Variants in TLN1 observed in about 807,000 individuals in gnomAD.
TLN1 encodes talin 1, also known as talin-1.
A neutral mutation model predicts 292.3 loss-of-function variants in TLN1; 56 were observed. The observed-to-expected ratio is 0.19, with a 90% CI of 0.15 to 0.24. TLN1 has a LOEUF of 0.24. Ranked by LOEUF, TLN1 falls within the 10% of genes least tolerant of loss-of-function variation. The pLI is 1.00. For missense variants in TLN1, 2,433 were observed against 3,248.2 expected, an observed-to-expected ratio of 0.75 and a Z score of 6.10; for synonymous variants, 1,119 against 1,253.7, an observed-to-expected ratio of 0.89 and a Z score of 2.27.
chr9:35,720,636 T>TC (rs986820249), intron 11 of TLN1, 127 bp from the exon 12 acceptor site: 1 of 1,143,502 alleles, frequency 8.7e-7, no homozygotes, highest in African/African-American at 1.6e-5. Context: ...TTTCTTTTTT[T>TC]TTTTTTTTTG....
intron 8 of TLN1, among the ~76,000 whole-genome samples, chr9:35,722,564 T>A (rs1258934598): frequency 6.6e-6 from 1 of 152,212 alleles, no homozygotes; most frequent in East Asian, 1.9e-4. Flanking sequence ...AATTTCAGAT[T>A]ATGCTACCTC....
chr9:35,719,534 C>T lies in TLN1; in HGVS notation c.1672G>A (p.Val558Met). 6.2e-7 allele frequency: 1 copy of T among 1,614,056 alleles called. No individual in the cohort carries two copies. Among genetic ancestry groups the T allele is most frequent in the Non-Finnish European group, 8.5e-7 (1 of 1,179,936 alleles). The change falls in exon 15 of 57, where the codon GTG becomes ATG. Residue 558 changes from valine to methionine, a missense_variant. By Grantham distance (21) the Val-to-Met change is conservative. Transcript: ENST00000314888. The surrounding 1 kb of genome is among the most constrained non-coding windows in gnomAD (Gnocchi z 4.6). ...DAITAGTASV[V>M]NLTAGDPAET... ...TCCGGCCTACCTGCTGTCAGGTTCA[C>T]CACAGACGCAGTACCAGCTGTGATG...
intron 3 of TLN1, 48 bp from the exon 4 acceptor site, chr9:35,725,007 A>G (rs751697851): frequency 3.7e-6 from 6 of 1,611,998 alleles, no homozygotes. Flanking sequence ...AGCTAGGGGT[A>G]TTATTTCCTC....
In TLN1 at chr9:35,706,325, A is replaced by G; in HGVS notation, c.5232T>C (p.Ala1744=). Reference sequence around the variant, plus strand: ...GGGTCTTGGAGGCAGCACCCACTGCAGCCAGGGTGAGCGGCTCAAAGTACT... The same window carrying G: ...GGGTCTTGGAGGCAGCACCCACTGCGGCCAGGGTGAGCGGCTCAAAGTACT... ...MAQYFEPLTL[A]AVGAASKTLS... The change falls in exon 40 of 57, where the codon GCT becomes GCC. Residue 1744 remains alanine, a synonymous_variant. Coordinates refer to ENST00000314888, the MANE Select transcript of TLN1 (RefSeq NM_006289.4). This position sits in a 1 kb window ranked among gnomAD's most constrained non-coding sequence, Gnocchi z 4.2. 1.2e-6 allele frequency: 2 copies of G among 1,612,548 alleles called. No homozygotes were observed. The highest frequency in any genetic ancestry group is 1.7e-6 in the Non-Finnish European group (2 of 1,179,100).
In TLN1 at chr9:35,699,892, G is replaced by A; in HGVS notation, c.6768+82C>T. On this transcript the variant is annotated intron_variant, in intron 50 of 56. Transcript: ENST00000314888. The surrounding 1 kb of genome is among the most constrained non-coding windows in gnomAD (Gnocchi z 4.0). The stretch of plus-strand genomic sequence containing the variant: ...GTAGGGAGGAGATCTGAGCAAAACA[G>A]ACAGCAGGGTGCGAGGCCTGCAGGA... 7.1e-7 allele frequency: 1 copy of A among 1,410,608 alleles called. No homozygotes were observed. The highest frequency in any genetic ancestry group is 9.7e-7 in the Non-Finnish European group (1 of 1,028,242). The allele number at this position is 1,410,608 out of a possible 1,614,324, so 87.4% of individuals were successfully genotyped here. A position where few individuals can be genotyped will look rare whatever the true frequency, so the allele number is the denominator to read the frequency against.
rs573813231 is a variant in TLN1 at position 35,723,930 on chromosome 9, G to A, written c.782+22C>T. 3.1e-5 allele frequency: 50 copies of A among 1,613,868 alleles called. No homozygotes were observed. The South Asian group carries it at 5.1e-4, about 16-fold the overall frequency. On this transcript the variant is annotated intron_variant, in intron 7 of 56. Transcript: ENST00000314888. ...GCAGGGAGTCCTGGGCCCTGACAGG[G>A]TATAGGATGTGGGTCACTCACTCAA... is the stretch of plus-strand genomic sequence containing the variant.
chr9:35,700,469 C>G lies in TLN1; in HGVS notation c.6475-93G>C, dbSNP rs373985732. The G allele has an allele frequency of 2.3e-6, 3 of 1,308,538 alleles. No homozygotes were observed. In the South Asian group the frequency reaches 4.6e-5, roughly 20 times the overall value. The allele number at this position is 1,308,538 out of a possible 1,614,324, so 81.1% of individuals were successfully genotyped here. A position where few individuals can be genotyped will look rare whatever the true frequency, so the allele number is the denominator to read the frequency against. On this transcript the variant is annotated intron_variant, in intron 48 of 56. Coordinates refer to ENST00000314888, the MANE Select transcript of TLN1 (RefSeq NM_006289.4). ...GTGCATGTGATTTGGTGCAGACATT[C>G]ACACATCACAGTGAATGTAACAAGG...
intron 7 of TLN1, 173 bp downstream of exon 7, chr9:35,723,779 G>A: frequency 5.6e-6 from 5 of 898,310 alleles, no homozygotes; most frequent in Non-Finnish European, 8.6e-6. Flanking sequence ...TATTCCAGAG[G>A]CAGAGAAGAG....
chr9:35,726,702 C>T (rs1825984618), intron 1 of TLN1, among the ~76,000 whole-genome samples: 1 of 152,210 alleles, frequency 6.6e-6, no homozygotes. Context: ...AGGAGCCTAG[C>T]CCTGTACTGG....
rs139094775 is a variant in TLN1, at chr9:35,707,230, A to T, written c.4797T>A (p.Ile1599=). The part of the protein sequence containing the change: ...SPEGRAAMEP[I]VISAKTMLES... ...CTAACATTGTCTTGGCAGAGATCAC[A>T]ATGGGCTCCATGGCAGCCCGACCCT... The change falls in exon 37 of 57, where the codon ATT becomes ATA. Residue 1599 remains isoleucine (I), a synonymous_variant. Transcript: ENST00000314888. The surrounding 1 kb of genome is among the most constrained non-coding windows in gnomAD (Gnocchi z 5.6). 1.2e-6 allele frequency: 2 copies of T among 1,604,070 alleles called. No individual in the cohort carries two copies. Among genetic ancestry groups the T allele is most frequent in the Non-Finnish European group, 1.7e-6 (2 of 1,173,640 alleles).
Position 35,706,437 on chromosome 9 carries a change from T to C in TLN1, c.5190+13A>G. On this transcript the variant is annotated intron_variant, in intron 39 of 56. Coordinates refer to ENST00000314888, the MANE Select transcript of TLN1 (RefSeq NM_006289.4). The surrounding 1 kb of genome is among the most constrained non-coding windows in gnomAD (Gnocchi z 4.2). Reference sequence around the variant, plus strand: ...CCTACTCCCTGGGACTTCCCATGAGTCTCCATAGGTACCTTGTGTCCCAGC... The same window carrying C: ...CCTACTCCCTGGGACTTCCCATGAGCCTCCATAGGTACCTTGTGTCCCAGC... The C allele has an allele frequency of 6.2e-7, 1 of 1,613,974 alleles. No homozygotes were observed. Among genetic ancestry groups the C allele is most frequent in the Non-Finnish European group, 8.5e-7 (1 of 1,179,964 alleles).
rs559032081 is a variant in TLN1, at chr9:35,724,433, G to T, written c.512-99C>A. The T allele has an allele frequency of 7.0e-6, 11 of 1,571,604 alleles. No homozygotes were observed. Among genetic ancestry groups the T allele is most frequent in the Middle Eastern group, 1.7e-4 (1 of 5,946 alleles). On this transcript the variant is annotated intron_variant, in intron 5 of 56. Transcript: ENST00000314888. The surrounding 1 kb of genome is among the most constrained non-coding windows in gnomAD (Gnocchi z 4.7). ...ATTTCCTACCTCCCCTCACTTAAAT[G>T]TAAGTCCCATGAGTGTAGGACTTTG...
At chr9:35,722,332 T>C (rs370043006) in intron 8 of TLN1, 109 bp from the exon 9 acceptor site, 6 of 954,164 alleles carry the variant, frequency 6.3e-6, no homozygotes, top group South Asian at 5.4e-5. Flanking sequence ...ACTGGAAAGG[T>C]TGAGGAGTAC....
At chr9:35,700,932 A>G (rs981509677) in intron 48 of TLN1, among the ~76,000 whole-genome samples, 10 of 152,238 alleles carry the variant, frequency 6.6e-5, no homozygotes, top group Admixed American at 2.6e-4. Flanking sequence ...TGGAGCTTAC[A>G]TTCTGGTTTT....
chr9:35,729,630 A>C (rs1179909884), intron 1 of TLN1, among the ~76,000 whole-genome samples: 6 of 152,224 alleles, frequency 3.9e-5, no homozygotes, highest in Non-Finnish European at 1.5e-5. Flanking sequence ...ATGAAGCCGG[A>C]GTTGGAATGG....
chr9:35,713,870 G>C, intron 25 of TLN1, 83 bp downstream of exon 25: 1 of 1,424,826 alleles, frequency 7.0e-7, no homozygotes, highest in Middle Eastern at 2.3e-4. Flanking sequence ...AGGAAGGAAG[G>C]AAAGGTTTTG....
chr9:35,714,353 T>G lies in TLN1; in HGVS notation c.3006A>C (p.Ala1002=). ...TCGTTGGCACTGAGGCCTTTGCAGC[T>G]GCCACCATCTTCCCACCTGGCTGTT... ...SFLQPGGKMV[A]AAKASVPTIQ... is the part of the protein sequence containing the mutation. Residue 1002 remains alanine, a synonymous_variant, in exon 24 of 57, where the codon GCA becomes GCC. Coordinates refer to ENST00000314888, the MANE Select transcript of TLN1 (RefSeq NM_006289.4). The surrounding 1 kb of genome is among the most constrained non-coding windows in gnomAD (Gnocchi z 4.6). The G allele has an allele frequency of 1.2e-6, 2 of 1,612,196 alleles. No homozygotes were observed. The highest frequency in any genetic ancestry group is 2.2e-5 in the South Asian group (2 of 91,000).
rs780560798 is a variant in TLN1 at position 35,707,174 on chromosome 9, C to G, written c.4853G>C (p.Arg1618Pro). 4.3e-5 allele frequency: 69 copies of G among 1,610,266 alleles called. No individual in the cohort carries two copies. Among genetic ancestry groups the G allele is most frequent in the Non-Finnish European group, 5.4e-5 (64 of 1,178,888 alleles). Residue 1618 changes from arginine to proline, a missense_variant, in exon 37 of 57, where the codon CGG (arginine) becomes CCG (proline). By Grantham distance (103) the Arg-to-Pro change is moderately radical. This residue lies in a region of TLN1 where 1,384 missense variants were observed against 1,699.6 expected (regional missense o/e 0.81). Coordinates refer to ENST00000314888, the MANE Select transcript of TLN1 (RefSeq NM_006289.4). The surrounding 1 kb of genome is among the most constrained non-coding windows in gnomAD (Gnocchi z 5.6). The part of the protein sequence containing the change: ...ESAGGLIQTA[R>P]ALAVNPRDPP... ...GTCCCGGGGATTGACTGCGAGGGCC[C>G]GGGCTGTCTGGATGAGTCCCCCGGC...
In TLN1 at chr9:35,724,149, C is replaced by T; in HGVS notation, c.654+43G>A. On this transcript the variant is annotated intron_variant, in intron 6 of 56. Transcript: ENST00000314888. This position sits in a 1 kb window ranked among gnomAD's most constrained non-coding sequence, Gnocchi z 4.7. ...AGGACACGCACACTGTGCTTCCGAGCCCTCCCTATTCCTGCCCCACCCCAG... is the reference window on the plus strand; with the variant it reads ...AGGACACGCACACTGTGCTTCCGAGTCCTCCCTATTCCTGCCCCACCCCAG... 1.9e-6 allele frequency: 3 copies of T among 1,613,612 alleles called. No individual in the cohort carries two copies. The highest frequency in any genetic ancestry group is 2.5e-6 in the Non-Finnish European group (3 of 1,179,576).
Sources: allele counts gnomAD v4.1 joint callset (sites outside exome capture counted in the v4.1 genomes callset), GRCh38; gene constraint gnomAD v4.1.1; regional missense constraint gnomAD v4.1.1; non-coding constraint Gnocchi (gnomAD v3.1); transcripts MANE v1.5; gene names NCBI Gene and HGNC (gene_info 2026-07-23, HGNC 2026-07-21).